The following SLC28A3 variants were observed in gnomAD, a reference collection of about 807,000 sequenced individuals.
SLC28A3 encodes solute carrier family 28 member 3, also known as concentrative Na(+)-nucleoside cotransporter 3.
SLC28A3 carries 68 observed loss-of-function variants against 84.2 expected under a neutral mutation model. That is an observed-to-expected ratio of 0.81 (90% confidence interval 0.66 to 0.99). The LOEUF (loss-of-function observed/expected upper bound fraction) is 0.99. SLC28A3 is among the 50% of genes least tolerant of loss of function. SLC28A3 has a pLI of 0.00. For missense variants in SLC28A3, 712 were observed against 841.5 expected, an observed-to-expected ratio of 0.85 and a Z score of 1.90; for synonymous variants, 267 against 303.6, an observed-to-expected ratio of 0.88 and a Z score of 1.25.
chr9:84,335,809 G>A (rs1485264549), intron 1 of SLC28A3, among the ~76,000 whole-genome samples: 1 of 151,360 alleles, frequency 6.6e-6, no homozygotes. Context: ...CCCAAGATAG[G>A]TACCATTATT....
chr9:84,350,432 A>G, the SLC28A3 span, among the ~76,000 whole-genome samples: 1 of 151,186 alleles, frequency 6.6e-6, no homozygotes, highest in African/African-American at 2.5e-5. Flanking sequence ...CAAGAGTGAA[A>G]CCAGGTCTCA....
intron 9 of SLC28A3, among the ~76,000 whole-genome samples, chr9:84,293,050 T>C (rs910042584): frequency 1.4e-4 from 22 of 152,334 alleles, no homozygotes; most frequent in African/African-American, 5.3e-4. Flanking sequence ...TATGGAAGGC[T>C]TTACTGCATT....
rs746416506 is a variant in SLC28A3, at chr9:84,285,992, G to C, written c.1400C>G (p.Ala467Gly). 2 of 1,614,024 alleles carry C rather than the reference G, an allele frequency of 1.2e-6. No individual in the cohort carries two copies. Among genetic ancestry groups the C allele is most frequent in the Non-Finnish European group, 1.7e-6 (2 of 1,179,982 alleles). The change falls in exon 13 of 18, where the codon GCC becomes GGC. Residue 467 changes from alanine to glycine, a missense_variant. Coordinates refer to ENST00000376238, the MANE Select transcript of SLC28A3 (RefSeq NM_001199633.2). Reference sequence around the variant, plus strand: ...AAACATGTTTCCAAACCAGGACAGGGCTGAATTCATAAAAGACAGCAGGGC... The same window carrying C: ...AAACATGTTTCCAAACCAGGACAGGCCTGAATTCATAAAAGACAGCAGGGC... ...FLALLSFMNS[A>G]LSWFGNMFDY...
intron 1 of SLC28A3, among the ~76,000 whole-genome samples, chr9:84,314,645 C>A (rs1321872704): frequency 1.3e-5 from 2 of 152,200 alleles, no homozygotes; most frequent in African/African-American, 4.8e-5. Flanking sequence ...TTGTGCCATA[C>A]TTCCTTTTTT....
the SLC28A3 span, among the ~76,000 whole-genome samples, chr9:84,358,474 T>C: frequency 6.6e-6 from 1 of 152,222 alleles, no homozygotes; most frequent in Admixed American, 6.5e-5. Context: ...TCCTCATAGA[T>C]AAGGAATGAA....
At chr9:84,295,359 C>T (rs191963877) in intron 8 of SLC28A3, among the ~76,000 whole-genome samples, 5,779 of 151,950 alleles carry the variant, frequency 0.038, 160 homozygotes, top group Middle Eastern at 0.085. Context: ...CTGAGGCGGG[C>T]GGATCACCTG....
chr9:84,280,000 G>A lies in SLC28A3; in HGVS notation c.1803C>T (p.Ala601=), dbSNP rs753077619. ...AVRALIAGTV[A]CFMTACIAGI... ...CTGCGATGCAGGCTGTCATGAAGCAGGCCACGGTCCCCGCAATCAGAGCTC... is the reference window on the plus strand; with the variant it reads ...CTGCGATGCAGGCTGTCATGAAGCAAGCCACGGTCCCCGCAATCAGAGCTC... The change falls in exon 16 of 18, where the codon GCC becomes GCT. Residue 601 remains alanine (A), a synonymous_variant. Coordinates refer to ENST00000376238, the MANE Select transcript of SLC28A3 (RefSeq NM_001199633.2). The A allele has an allele frequency of 4.3e-6, 7 of 1,614,046 alleles. No homozygotes were observed. The highest frequency in any genetic ancestry group is 3.3e-5 in the Admixed American group (2 of 60,024).
chr9:84,340,801 C>G, upstream of SLC28A3: 23 of 572,460 alleles, frequency 4.0e-5, no homozygotes, highest in East Asian at 1.0e-4. Context: ...GGGCTGACAC[C>G]TGGTTGGGGT....
chr9:84,341,459 T>C (rs757596142), upstream of SLC28A3, among the ~76,000 whole-genome samples: 11 of 152,064 alleles, frequency 7.2e-5, no homozygotes, highest in Non-Finnish European at 1.5e-4. Context: ...GATAGGTAGG[T>C]AGGTAAGGGT....
Position 84,275,489 on chromosome 9 carries a change from T to C in SLC28A3, c.*2729A>G, listed in dbSNP as rs1824498776. ...AGCACAGACCAACAGCAACAATCTG[T>C]CAACAGTGAGCGGGCTCAAACAGCT... On this transcript the variant is annotated 3_prime_UTR_variant, in exon 18 of 18. Coordinates refer to ENST00000376238, the MANE Select transcript of SLC28A3 (RefSeq NM_001199633.2). 6.6e-6 allele frequency: 1 copy of C among 152,268 alleles called. No homozygotes were observed. The highest frequency in any genetic ancestry group is 6.6e-5 in the Admixed American group (1 of 15,266). The allele number at this position is 152,268 out of a possible 1,614,324, so 9.4% of individuals were successfully genotyped here.
chr9:84,291,900 C>T (rs750188026), intron 10 of SLC28A3, among the ~76,000 whole-genome samples: 5 of 152,170 alleles, frequency 3.3e-5, no homozygotes, highest in Non-Finnish European at 2.9e-5. Context: ...CTGATCCACC[C>T]CTTAGCCATG....
intron 1 of SLC28A3, among the ~76,000 whole-genome samples, chr9:84,326,293 C>T (rs1419736635): frequency 2.6e-5 from 4 of 151,830 alleles, no homozygotes; most frequent in African/African-American, 9.7e-5. Flanking sequence ...CCACCACTAT[C>T]GTTTTAAAGT....
At chr9:84,308,622 C>T (rs1487894983) in intron 3 of SLC28A3, among the ~76,000 whole-genome samples, 1 of 151,962 alleles carries the variant, frequency 6.6e-6, no homozygotes. Context: ...AGAGTAAGCC[C>T]CTGCCTCTAA....
chr9:84,311,953 T>A (rs1482272909), intron 2 of SLC28A3, among the ~76,000 whole-genome samples: 5 of 152,258 alleles, frequency 3.3e-5, no homozygotes, highest in Non-Finnish European at 7.3e-5. Context: ...TTTTCCAGAA[T>A]GTCGTATAGT....
intron 1 of SLC28A3, among the ~76,000 whole-genome samples, chr9:84,314,067 T>C (rs536952428): frequency 6.6e-6 from 1 of 152,258 alleles, no homozygotes; most frequent in South Asian, 2.1e-4. Flanking sequence ...ATCACACTGA[T>C]TTTCAACTTA....
In SLC28A3 at chr9:84,281,283, C is replaced by T. The variant is rs10121999; in HGVS notation, c.1648-401G>A. Among the ~76,000 whole-genome samples the T allele has an allele frequency of 5.2e-3, 799 of 152,264 alleles. 4 individuals carry two copies. The highest frequency in any genetic ancestry group is 0.018 in the African/African-American group (744 of 41,540). ...ACATTTACTTGAAAAAGGACTTATT[C>T]AGACTATATAAAAAACTGTTATAAC... On this transcript the variant is annotated intron_variant, in intron 14 of 17. Coordinates refer to ENST00000376238, the MANE Select transcript of SLC28A3 (RefSeq NM_001199633.2).
intron 1 of SLC28A3, among the ~76,000 whole-genome samples, chr9:84,319,452 C>T (rs12000534): frequency 0.15 from 23,485 of 152,084 alleles, 2,346 homozygotes; most frequent in African/African-American, 0.27. Flanking sequence ...GTCACTTGGA[C>T]TCAGGAGTTT....
chr9:84,338,640 C>T (rs1316363748), intron 1 of SLC28A3, among the ~76,000 whole-genome samples: 1 of 152,180 alleles, frequency 6.6e-6, no homozygotes, highest in Non-Finnish European at 1.5e-5. Context: ...GTGTGCCCTC[C>T]TCCCTGGGAG....
At chr9:84,300,540 A>G (rs182175862) in intron 5 of SLC28A3, among the ~76,000 whole-genome samples, 224 of 152,322 alleles carry the variant, frequency 1.5e-3, no homozygotes, top group Middle Eastern at 3.4e-3. Flanking sequence ...CGGCTTGCAC[A>G]GCAGAGCCAG....
Sources: gnomAD v4.1 joint callset for allele counts (sites outside exome capture counted in the v4.1 genomes callset) on GRCh38, gnomAD v4.1.1 for gene constraint, MANE v1.5 for transcripts, NCBI Gene and HGNC (gene_info 2026-07-23, HGNC 2026-07-21) for gene names.